FOXN3: variants seen among roughly 807,000 people sequenced by gnomAD.
FOXN3 encodes forkhead box protein N3.
In FOXN3, 7 loss-of-function variants were observed where a neutral mutation model predicts 38.4. That is an observed-to-expected ratio of 0.18 (90% CI 0.10 to 0.34). The LOEUF (loss-of-function observed/expected upper bound fraction) is 0.34. FOXN3 is among the 10% of genes least tolerant of loss of function. FOXN3 has a pLI of 1.00. For synonymous variants in FOXN3, 230 were observed against 242.2 expected (o/e 0.95, Z 0.47); for missense variants, 456 against 613.4 (o/e 0.74, Z 2.71).
At chr14:89,316,091 G>C (rs1171999659) in intron 3 of FOXN3, among the ~76,000 whole-genome samples, 1 of 152,176 alleles carries the variant, frequency 6.6e-6, no homozygotes, top group African/African-American at 2.4e-5. Flanking sequence ...CTCTTGACTT[G>C]CTACAGCCAA....
chr14:89,345,671 C>T (rs1227779113), intron 3 of FOXN3, among the ~76,000 whole-genome samples: 4 of 152,164 alleles, frequency 2.6e-5, no homozygotes, highest in African/African-American at 9.7e-5. Context: ...ATATCATTCT[C>T]ATGCCTTTCC....
chr14:89,251,840 G>A (rs975800692), intron 4 of FOXN3, among the ~76,000 whole-genome samples: 2 of 152,324 alleles, frequency 1.3e-5, no homozygotes, highest in South Asian at 4.1e-4. Context: ...ATGCAAAGGT[G>A]TCTTTACATG....
At chr14:89,211,581 G>C in intron 4 of FOXN3, among the ~76,000 whole-genome samples, 1 of 152,322 alleles carries the variant, frequency 6.6e-6, no homozygotes, top group East Asian at 1.9e-4. Flanking sequence ...ACTTAAACCT[G>C]CAGAAAGTAC....
chr14:89,430,878 T>C (rs1199437670), intron 1 of FOXN3, among the ~76,000 whole-genome samples: 1 of 152,116 alleles, frequency 6.6e-6, no homozygotes, highest in African/African-American at 2.4e-5. Flanking sequence ...CACCTTGAGA[T>C]TGTAGGGGTG....
intron 1 of FOXN3, among the ~76,000 whole-genome samples, chr14:89,442,251 A>G (rs1402320693): frequency 1.3e-5 from 2 of 151,866 alleles, no homozygotes; most frequent in African/African-American, 4.8e-5. Context: ...TTCCAATGAC[A>G]CTCAACATTC....
intron 1 of FOXN3, among the ~76,000 whole-genome samples, chr14:89,507,123 A>AG (rs1419519204): frequency 4.3e-5 from 1 of 23,494 alleles, no homozygotes; most frequent in Non-Finnish European, 6.6e-4. Flanking sequence ...AATGATCAAT[A>AG]AAAAAAAAAA....
At chr14:89,274,944 G>A (rs989953394) in intron 4 of FOXN3, among the ~76,000 whole-genome samples, 16 of 152,130 alleles carry the variant, frequency 1.1e-4, no homozygotes, top group Non-Finnish European at 2.4e-4. Context: ...AACCACATTC[G>A]GAGGATTTTA....
At chr14:89,278,687 A>G (rs1157852271) in intron 4 of FOXN3, among the ~76,000 whole-genome samples, 1 of 152,150 alleles carries the variant, frequency 6.6e-6, no homozygotes, top group East Asian at 1.9e-4. Context: ...ACTTGCCCTC[A>G]ATTCCAATGC....
chr14:89,278,448 C>G (rs1192564160), intron 4 of FOXN3, among the ~76,000 whole-genome samples: 1 of 152,146 alleles, frequency 6.6e-6, no homozygotes, highest in Non-Finnish European at 1.5e-5. Flanking sequence ...TTATTGAGTC[C>G]TGGGGAGACC....
intron 2 of FOXN3, chr14:89,353,633 C>G (rs952944322): frequency 6.6e-6 from 1 of 152,284 alleles, no homozygotes; most frequent in Non-Finnish European, 1.5e-5. Context: ...TGACTCATGA[C>G]TACCTGGCTG....
chr14:89,203,427 C>G (rs1888284875), intron 4 of FOXN3, among the ~76,000 whole-genome samples: 1 of 152,196 alleles, frequency 6.6e-6, no homozygotes, highest in Non-Finnish European at 1.5e-5. Context: ...ATCTGTTCTC[C>G]CTCCCACATA....
chr14:89,602,386 T>C (rs1409067833), intron 1 of FOXN3, among the ~76,000 whole-genome samples: 1 of 152,046 alleles, frequency 6.6e-6, no homozygotes, highest in Non-Finnish European at 1.5e-5. Context: ...TCCCTAAATA[T>C]GTCAGCAGGT....
In FOXN3 at chr14:89,411,917, C is replaced by T; in HGVS notation, c.543+17G>A. On this transcript the variant is annotated intron_variant, in intron 2 of 5. Transcript: ENST00000557258. ...AAAAAAAAAAGAAAACCTTGGGTTCCAGACACAGAGGCTTACCTGACTCCT... is the reference window on the plus strand; with the variant it reads ...AAAAAAAAAAGAAAACCTTGGGTTCTAGACACAGAGGCTTACCTGACTCCT... The T allele has an allele frequency of 7.4e-7, 1 of 1,346,822 alleles. No homozygotes were observed. The highest frequency in any genetic ancestry group is 2.5e-5 in the South Asian group (1 of 40,160). The allele number at this position is 1,346,822 out of a possible 1,614,324, so 83.4% of individuals were successfully genotyped here. A position where few individuals can be genotyped will look rare whatever the true frequency, so the allele number is the denominator to read the frequency against.
chr14:89,575,817 C>T (rs571930222), intron 1 of FOXN3, among the ~76,000 whole-genome samples: 1 of 152,312 alleles, frequency 6.6e-6, no homozygotes, highest in Admixed American at 6.5e-5. Flanking sequence ...AAAGTCGTGG[C>T]CATGTGATTG....
intron 1 of FOXN3, among the ~76,000 whole-genome samples, chr14:89,618,300 T>C (rs1896530718): frequency 6.6e-6 from 1 of 152,166 alleles, no homozygotes; most frequent in African/African-American, 2.4e-5. Flanking sequence ...CGGAGAAAGA[T>C]TGCATTTCCC....
At chr14:89,562,236 C>A (rs994339179) in intron 1 of FOXN3, among the ~76,000 whole-genome samples, 4 of 151,994 alleles carry the variant, frequency 2.6e-5, no homozygotes, top group African/African-American at 9.7e-5. Flanking sequence ...TTTTCCATTT[C>A]TTCTTATTTA....
At chr14:89,365,650 T>A (rs771742299) in intron 2 of FOXN3, among the ~76,000 whole-genome samples, 1 of 152,136 alleles carries the variant, frequency 6.6e-6, no homozygotes, top group Non-Finnish European at 1.5e-5. Flanking sequence ...CCTCATCGCA[T>A]GACATAGGCT....
At chr14:89,241,522 G>T (rs562028268) in intron 4 of FOXN3, among the ~76,000 whole-genome samples, 1 of 152,270 alleles carries the variant, frequency 6.6e-6, no homozygotes, top group Non-Finnish European at 1.5e-5. Flanking sequence ...GTGACATCAG[G>T]TGATACACTT....
At chr14:89,402,147 T>A (rs1040368704) in intron 2 of FOXN3, among the ~76,000 whole-genome samples, 2 of 152,276 alleles carry the variant, frequency 1.3e-5, no homozygotes, top group Non-Finnish European at 2.9e-5. Flanking sequence ...CTTATCATCC[T>A]TGGCACAGAC....
Sources: gnomAD v4.1 joint callset for allele counts (sites outside exome capture counted in the v4.1 genomes callset) on GRCh38, gnomAD v4.1.1 for gene constraint, MANE v1.5 for transcripts, NCBI Gene and HGNC (gene_info 2026-07-23, HGNC 2026-07-21) for gene names.